The following PTPN4 variants were observed in gnomAD, a reference collection of about 807,000 sequenced individuals.
PTPN4 encodes tyrosine-protein phosphatase non-receptor type 4.
PTPN4 carries 49 observed loss-of-function variants against 135.5 expected under a neutral mutation model. That is an observed-to-expected ratio of 0.36 (90% CI 0.29 to 0.46). The LOEUF (loss-of-function observed/expected upper bound fraction) is 0.46. Among genes scored for constraint, PTPN4 ranks in the 20% least tolerant of loss-of-function variants. The pLI is 1.00. For missense variants in PTPN4, 860 were observed against 1,101.0 expected (o/e 0.78, Z 3.10); for synonymous variants, 333 against 369.9 (o/e 0.90, Z 1.14).
chr2:119,806,051 C>T (rs1021108456), intron 1 of PTPN4, among the ~76,000 whole-genome samples: 3 of 152,064 alleles, frequency 2.0e-5, no homozygotes, highest in African/African-American at 7.2e-5. Context: ...CACCACCAGG[C>T]CTGGCTTACA....
At chr2:119,947,403 G>C (rs1679151030) in intron 18 of PTPN4, among the ~76,000 whole-genome samples, 1 of 152,122 alleles carries the variant, frequency 6.6e-6, no homozygotes, top group Admixed American at 6.5e-5. Flanking sequence ...TGTGGTTTTG[G>C]TTCTGGTTTT....
At chr2:119,836,637 G>T (rs1363072082) in intron 2 of PTPN4, among the ~76,000 whole-genome samples, 1 of 152,326 alleles carries the variant, frequency 6.6e-6, no homozygotes, top group South Asian at 2.1e-4. Context: ...GCCCAGCCAC[G>T]GCTGCAGACC....
intron 18 of PTPN4, among the ~76,000 whole-genome samples, chr2:119,950,670 C>T (rs1229771439): frequency 1.3e-5 from 2 of 152,062 alleles, no homozygotes; most frequent in African/African-American, 4.8e-5. Context: ...AAGATCCAAC[C>T]CCATCATTTC....
intron 10 of PTPN4, among the ~76,000 whole-genome samples, chr2:119,903,008 C>T (rs145822489): frequency 6.6e-6 from 1 of 152,314 alleles, no homozygotes; most frequent in African/African-American, 2.4e-5. Flanking sequence ...TCCCCACTGA[C>T]AACCCTCCAT....
At chr2:119,925,197 C>T (rs1678804036) in intron 12 of PTPN4, among the ~76,000 whole-genome samples, 3 of 152,104 alleles carry the variant, frequency 2.0e-5, no homozygotes, top group African/African-American at 4.8e-5. Context: ...ACTATTAAAG[C>T]AGCTGCCAGC....
Position 119,980,397 on chromosome 2 carries a change from C to T in PTPN4, c.*3327C>T, listed in dbSNP as rs898519042. ...GGAAAAGTCTCCTGTCTTCTATCTC[C>T]ACTAGAAGTACTGCAGCTTGAGAGC... On this transcript the variant is annotated 3_prime_UTR_variant, in exon 27 of 27. Transcript: ENST00000263708. 2.0e-5 allele frequency: 3 copies of T among 152,024 alleles called. No individual in the cohort carries two copies. Among genetic ancestry groups the T allele is most frequent in the African/African-American group, 7.2e-5 (3 of 41,428 alleles). The allele number at this position is 152,024 out of a possible 1,614,324, so 9.4% of individuals were successfully genotyped here.
intron 18 of PTPN4, among the ~76,000 whole-genome samples, chr2:119,948,510 A>G (rs1395642468): frequency 6.6e-6 from 1 of 152,178 alleles, no homozygotes; most frequent in African/African-American, 2.4e-5. Context: ...TCTCCTAATG[A>G]AATAGTTTGA....
chr2:119,932,661 G>C lies in PTPN4; in HGVS notation c.1196+112G>C. 11 of 1,270,278 alleles carry C rather than the reference G, an allele frequency of 8.7e-6. No homozygotes were observed. In the South Asian group the frequency reaches 1.7e-4, roughly 19 times the overall value. The allele number at this position is 1,270,278 out of a possible 1,614,324, so 78.7% of individuals were successfully genotyped here. A position where few individuals can be genotyped will look rare whatever the true frequency, so the allele number is the denominator to read the frequency against. Reference sequence around the variant, plus strand: ...GATACGCAAAAATTGAATTCTTTTGGTGAAACATGATTTTTGTTGCTCCAG... The same window carrying C: ...GATACGCAAAAATTGAATTCTTTTGCTGAAACATGATTTTTGTTGCTCCAG... On this transcript the variant is annotated intron_variant, in intron 14 of 26. Transcript: ENST00000263708.
At chr2:119,835,372 A>G (rs1356051765) in intron 2 of PTPN4, among the ~76,000 whole-genome samples, 1 of 152,018 alleles carries the variant, frequency 6.6e-6, no homozygotes, top group Non-Finnish European at 1.5e-5. Context: ...TTTACTAGAG[A>G]TGGGGTTTTA....
intron 15 of PTPN4, among the ~76,000 whole-genome samples, chr2:119,943,548 C>T (rs34377307): frequency 2.7e-5 from 4 of 149,020 alleles, no homozygotes; most frequent in African/African-American, 9.9e-5. Context: ...AAAAAAGAAG[C>T]ATAATGAAAT....
intron 26 of PTPN4, among the ~76,000 whole-genome samples, chr2:119,970,653 T>C (rs1679518635): frequency 6.6e-6 from 1 of 152,258 alleles, no homozygotes; most frequent in Non-Finnish European, 1.5e-5. Flanking sequence ...CTTTTTCTTG[T>C]TCAATAATAT....
intron 15 of PTPN4, among the ~76,000 whole-genome samples, chr2:119,936,160 T>G (rs1231827092): frequency 6.6e-6 from 1 of 152,014 alleles, no homozygotes; most frequent in Non-Finnish European, 1.5e-5. Context: ...CAGCCACCAC[T>G]CCCGGCTAAT....
At chr2:119,847,315 C>CACACACATAT (rs1377379334) in intron 2 of PTPN4, among the ~76,000 whole-genome samples, 4 of 94,498 alleles carry the variant, frequency 4.2e-5, no homozygotes, top group Admixed American at 1.3e-4. Flanking sequence ...CACACACACA[C>CACACACATAT]ATATATATAT....
At chr2:119,845,937 C>A (rs913381370) in intron 2 of PTPN4, among the ~76,000 whole-genome samples, 2 of 152,138 alleles carry the variant, frequency 1.3e-5, no homozygotes, top group Non-Finnish European at 1.5e-5. Flanking sequence ...GTGATTTCTT[C>A]TTTGACCCCT....
In PTPN4 at chr2:119,984,087, A is replaced by G. The variant is rs1007949664; in HGVS notation, c.*7017A>G. Among the ~76,000 whole-genome samples, 1 of 152,150 alleles carries G rather than the reference A, an allele frequency of 6.6e-6. No individual in the cohort carries two copies. The highest frequency in any genetic ancestry group is 1.5e-5 in the Non-Finnish European group (1 of 68,018). ...AGACTCTATCTGCTTAAAAAAATAA[A>G]AATTGTTCAACCCAGTGTTCTCCAG... is the stretch of plus-strand genomic sequence containing the variant. On this transcript the variant is annotated 3_prime_UTR_variant, in exon 27 of 27. Transcript: ENST00000263708.
intron 15 of PTPN4, among the ~76,000 whole-genome samples, chr2:119,944,729 T>C (rs1426147452): frequency 6.6e-6 from 1 of 152,184 alleles, no homozygotes; most frequent in African/African-American, 2.4e-5. Flanking sequence ...ACTACCCAAT[T>C]ATCAGTTCTG....
chr2:119,766,457 T>TC (rs1558718907), intron 1 of PTPN4, among the ~76,000 whole-genome samples: 10 of 142,218 alleles, frequency 7.0e-5, no homozygotes, highest in African/African-American at 2.6e-4. Context: ...CGCGTGTGTG[T>TC]GTGTGTGTGT....
chr2:119,842,368 G>C (rs1677394115), intron 2 of PTPN4, among the ~76,000 whole-genome samples: 1 of 152,182 alleles, frequency 6.6e-6, no homozygotes, highest in Admixed American at 6.5e-5. Flanking sequence ...CTAAGAAAGA[G>C]ACCACATGGC....
chr2:119,857,601 G>A (rs748489644), intron 2 of PTPN4, among the ~76,000 whole-genome samples: 10 of 150,296 alleles, frequency 6.7e-5, no homozygotes, highest in African/African-American at 2.4e-4. Flanking sequence ...AAACCTTACC[G>A]AGGACTCCTT....
Sources: allele counts gnomAD v4.1 joint callset (sites outside exome capture counted in the v4.1 genomes callset), GRCh38; gene constraint gnomAD v4.1.1; transcripts MANE v1.5; gene names NCBI Gene and HGNC (gene_info 2026-07-23, HGNC 2026-07-21).